Variants in KLHL30 observed in about 807,000 individuals in gnomAD.
KLHL30 encodes the protein kelch-like protein 30.
A neutral mutation model predicts 55.0 loss-of-function variants in KLHL30; 55 were observed. The observed-to-expected ratio is 1.00, with a 90% confidence interval of 0.80 to 1.25. The LOEUF (loss-of-function observed/expected upper bound fraction) is 1.25, where lower values mean the gene tolerates loss of function less well. KLHL30 is among the 50% of genes most tolerant of loss of function. The probability of loss-of-function intolerance (pLI) is 0.00; values close to 1 mark genes in which losing one functional copy is unlikely to be tolerated. For synonymous variants in KLHL30, 356 were observed against 372.6 expected (o/e 0.96, Z 0.51); for missense variants, 786 against 811.6 (o/e 0.97, Z 0.38).
In KLHL30 at chr2:238,141,427, G is replaced by A; in HGVS notation, c.673G>A (p.Asp225Asn). The change falls in exon 2 of 8, where the codon GAC (aspartate) becomes AAC (asparagine). Residue 225 changes from aspartate (D) to asparagine (N), a missense_variant. Asp to Asn is a conservative substitution (Grantham distance 23). Transcript: ENST00000409223. The part of the protein sequence containing the change: ...LPELLSLVHL[D>N]AVPRPCVQQL... ...CGAGCTGCTCAGCCTAGTGCACCTG[G>A]ACGCCGTGCCCAGGCCCTGCGTGCA... 6.4e-7 allele frequency: 1 copy of A among 1,563,468 alleles called. No individual in the cohort carries two copies. The highest frequency in any genetic ancestry group is 8.6e-7 in the Non-Finnish European group (1 of 1,160,508).
At chr2:238,149,217 G>T in intron 7 of KLHL30, 65 bp downstream of exon 7, 2 of 1,591,200 alleles carry the variant, frequency 1.3e-6, no homozygotes, top group Non-Finnish European at 1.7e-6. Context: ...CAGAGAGCCA[G>T]CCTGGGAAGT....
In KLHL30 at chr2:238,147,769, C is replaced by T; in HGVS notation, c.1151-65C>T. On this transcript the variant is annotated intron_variant, in intron 5 of 7. Coordinates refer to ENST00000409223, the MANE Select transcript of KLHL30 (RefSeq NM_198582.4). This position sits in a 1 kb window ranked among gnomAD's most constrained non-coding sequence, Gnocchi z 5.8. ...ACTTTGCTGCCTTACAAAGCCCCAG[C>T]CCCTGAGTTTCCAGGCCTCCCCTCT... is the stretch of plus-strand genomic sequence containing the variant. 1 of 1,082,888 alleles carries T rather than the reference C, an allele frequency of 9.2e-7. No homozygotes were observed. The highest frequency in any genetic ancestry group is 1.6e-5 in the African/African-American group (1 of 61,180). 67.1% of individuals were successfully genotyped at this position (1,082,888 alleles called of 1,614,324 possible). A position where few individuals can be genotyped will look rare whatever the true frequency, so the allele number is the denominator to read the frequency against.
rs372059396 is a variant in KLHL30, at chr2:238,141,307, G to C, written c.553G>C (p.Gly185Arg). Residue 185 changes from glycine (G) to arginine (R), a missense_variant, in exon 2 of 8, where the codon GGC becomes CGC. Gly to Arg is a moderately radical substitution (Grantham distance 125). Coordinates refer to ENST00000409223, the MANE Select transcript of KLHL30 (RefSeq NM_198582.4). ...AGAGCGGCTGGTCACTTGTCTGGCC[G>C]GCGACCTGCTGCAGGTACAGCCGGA... ...PRERLVTCLA[G>R]DLLQVQPEQS... 3.8e-6 allele frequency: 6 copies of C among 1,597,104 alleles called. No homozygotes were observed. Among genetic ancestry groups the C allele is most frequent in the South Asian group, 3.3e-5 (3 of 90,514 alleles).
intron 3 of KLHL30, 140 bp downstream of exon 3, chr2:238,143,071 G>T (rs1692571605): frequency 1.8e-6 from 2 of 1,123,994 alleles, no homozygotes; most frequent in South Asian, 5.4e-5. Flanking sequence ...GGCGTGCCTG[G>T]GTGGGCCTCA....
chr2:238,144,412 A>AGGCAGGC (rs1692601535), intron 3 of KLHL30, among the ~76,000 whole-genome samples: 3 of 115,394 alleles, frequency 2.6e-5, no homozygotes, highest in Admixed American at 8.2e-5. Context: ...GGAAGGAAGG[A>AGGCAGGC]AGGAAGGAAG....
intron 5 of KLHL30, 99 bp downstream of exon 5, chr2:238,145,931 G>C (rs773929214): frequency 7.5e-7 from 1 of 1,325,156 alleles, no homozygotes; most frequent in Non-Finnish European, 1.0e-6. Context: ...CGGAGACCAC[G>C]GAGATGCCGC....
chr2:238,141,876 C>T (rs1342670071), intron 2 of KLHL30, among the ~76,000 whole-genome samples: 1 of 152,168 alleles, frequency 6.6e-6, no homozygotes, highest in Admixed American at 6.6e-5. Context: ...TCTGGGTGGG[C>T]TGGCAGTCAA....
chr2:238,144,404 A>AGGC (rs1692599261), intron 3 of KLHL30, among the ~76,000 whole-genome samples: 4 of 121,822 alleles, frequency 3.3e-5, no homozygotes, highest in East Asian at 2.6e-4. Context: ...GGAAGGAAGG[A>AGGC]AGGAAGGAAG....
chr2:238,143,542 A>G (rs1230081390), intron 3 of KLHL30, among the ~76,000 whole-genome samples: 1 of 152,250 alleles, frequency 6.6e-6, no homozygotes, highest in Admixed American at 6.5e-5. Flanking sequence ...GAAAGGAGGC[A>G]TGAGGGGCCC....
rs368306068 is a variant in KLHL30, at chr2:238,147,859, G to A, written c.1176G>A (p.Val392=). ...IGGTTLDVVE[V]ESYDPYTDSW... ...GCACCACCCTGGACGTGGTGGAGGT[G>A]GAGAGCTATGACCCCTACACGGACA... The change falls in exon 6 of 8, where the codon GTG becomes GTA. Residue 392 remains valine (V), a synonymous_variant. Coordinates refer to ENST00000409223, the MANE Select transcript of KLHL30 (RefSeq NM_198582.4). The surrounding 1 kb of genome is among the most constrained non-coding windows in gnomAD (Gnocchi z 5.8). The A allele has an allele frequency of 2.0e-4, 308 of 1,546,132 alleles. 2 individuals carry two copies. The Middle Eastern group carries it at 2.6e-3, about 13-fold the overall frequency.
At chr2:238,139,233 C>A (rs1692486090) in intron 1 of KLHL30, among the ~76,000 whole-genome samples, 1 of 152,212 alleles carries the variant, frequency 6.6e-6, no homozygotes, top group Non-Finnish European at 1.5e-5. Context: ...CGCCCGGCAG[C>A]AGCTGGCCCA....
At chr2:238,142,056 T>G (rs2106311041) in intron 2 of KLHL30, among the ~76,000 whole-genome samples, 1 of 152,208 alleles carries the variant, frequency 6.6e-6, no homozygotes, top group East Asian at 1.9e-4. Context: ...GGGTGCTACT[T>G]CCTGTTTGTG....
chr2:238,148,531 G>C (rs1047647763), intron 6 of KLHL30, among the ~76,000 whole-genome samples: 2 of 152,194 alleles, frequency 1.3e-5, no homozygotes, highest in African/African-American at 2.4e-5. Flanking sequence ...TCACCCTCTG[G>C]ACAGTGTAGA....
At position 238,140,971 on chromosome 2, in the gene KLHL30, C is replaced by T. The variant is rs530687805; in HGVS notation, c.217C>T (p.Arg73Cys). 147 of 1,612,364 alleles carry T rather than the reference C, an allele frequency of 9.1e-5. 1 individual carries two copies. In the East Asian group the frequency reaches 1.6e-3, roughly 17 times the overall value. Reference protein sequence around the residue: ...AGDFAESFSARVELRDVEPAV... With the variant: ...AGDFAESFSACVELRDVEPAV... The stretch of plus-strand genomic sequence containing the variant: ...TGACTTCGCCGAGAGCTTCTCTGCG[C>T]GCGTGGAGCTGCGGGACGTGGAGCC... The change falls in exon 2 of 8, where the codon CGC becomes TGC. Residue 73 changes from arginine (R) to cysteine (C), a missense_variant. Coordinates refer to ENST00000409223, the MANE Select transcript of KLHL30 (RefSeq NM_198582.4).
rs1035158720 is a variant in KLHL30 at position 238,148,433 on chromosome 2, G to T, written c.1339+411G>T. ...TCCGAGGCCTCGAGGCCCATCTTGG[G>T]CTCTGGACTCTGTGCCAGAGTTTGA... On this transcript the variant is annotated intron_variant, in intron 6 of 7. Transcript: ENST00000409223. 8.5e-4 allele frequency among the ~76,000 whole-genome samples: 129 copies of T among 152,326 alleles called. 1 individual carries two copies. Among genetic ancestry groups the T allele is most frequent in the African/African-American group, 2.5e-3 (105 of 41,578 alleles).
chr2:238,145,189 C>T (rs1574758384), intron 4 of KLHL30, among the ~76,000 whole-genome samples: 1 of 152,220 alleles, frequency 6.6e-6, no homozygotes, highest in Non-Finnish European at 1.5e-5. Context: ...CTAGTGTGGG[C>T]CCACCCCTGC....
chr2:238,149,590 A>G (rs959338067), intron 7 of KLHL30, among the ~76,000 whole-genome samples: 6 of 152,124 alleles, frequency 3.9e-5, no homozygotes, highest in African/African-American at 1.4e-4. Context: ...CCAGCTTCCT[A>G]CAGAGGAGTG....
At chr2:238,145,858 C>T in intron 5 of KLHL30, 26 bp downstream of exon 5, 2 of 1,570,378 alleles carry the variant, frequency 1.3e-6, no homozygotes, top group South Asian at 2.4e-5. Context: ...CCACCCTTCC[C>T]TGGGGCCTGG....
chr2:238,144,568 CAG>C (rs1017593635), intron 3 of KLHL30, among the ~76,000 whole-genome samples: 2 of 152,138 alleles, frequency 1.3e-5, no homozygotes, highest in Admixed American at 6.5e-5. Flanking sequence ...AGACCAGACT[CAG>C]GGGCTGAATG....
Sources: gnomAD v4.1 joint callset for allele counts (sites outside exome capture counted in the v4.1 genomes callset) on GRCh38, gnomAD v4.1.1 for gene constraint, Gnocchi (gnomAD v3.1) non-coding constraint, MANE v1.5 for transcripts, NCBI Gene and HGNC (gene_info 2026-07-23, HGNC 2026-07-21) for gene names.